NECAB1: variants seen among roughly 807,000 people sequenced by gnomAD.
The protein encoded by NECAB1 is N-terminal EF-hand calcium binding protein 1.
In NECAB1, 29 loss-of-function variants were observed where a neutral mutation model predicts 57.5. The observed-to-expected ratio is 0.50, with a 90% CI of 0.38 to 0.69. The LOEUF is 0.69. Ranked by LOEUF, NECAB1 falls within the 30% of genes least tolerant of loss-of-function variation. NECAB1 has a pLI of 0.00. For missense variants in NECAB1, 372 were observed against 413.8 expected (o/e 0.90, Z 0.88); for synonymous variants, 142 against 147.7 (o/e 0.96, Z 0.28).
intron 1 of NECAB1, among the ~76,000 whole-genome samples, chr8:90,798,849 G>T (rs180862979): frequency 3.3e-4 from 50 of 152,262 alleles, no homozygotes; most frequent in African/African-American, 1.1e-3. Flanking sequence ...TGGTAGTTCT[G>T]TTTTAAGTTC....
At chr8:90,906,889 A>ATATATATATGTATGTATG in intron 5 of NECAB1, among the ~76,000 whole-genome samples, 1 of 72,862 alleles carries the variant, frequency 1.4e-5, no homozygotes, top group South Asian at 4.0e-4. Flanking sequence ...ATATATATAT[A>ATATATATATGTATGTATG]TATATATATA....
chr8:90,914,683 A>T (rs1456126167), intron 5 of NECAB1, among the ~76,000 whole-genome samples: 2 of 152,208 alleles, frequency 1.3e-5, no homozygotes, highest in Admixed American at 1.3e-4. Context: ...GGGTTAGCCT[A>T]ATCATAACTT....
chr8:90,951,553 A>T (rs1424324316), intron 12 of NECAB1, among the ~76,000 whole-genome samples: 1 of 152,140 alleles, frequency 6.6e-6, no homozygotes, highest in Non-Finnish European at 1.5e-5. Context: ...TCATCTACCC[A>T]TCCAATTACT....
At chr8:90,808,320 C>T (rs915216823) in intron 2 of NECAB1, among the ~76,000 whole-genome samples, 4 of 152,136 alleles carry the variant, frequency 2.6e-5, no homozygotes, top group African/African-American at 9.7e-5. Flanking sequence ...CCCAGCCTTC[C>T]TTTCCTTTCT....
intron 5 of NECAB1, among the ~76,000 whole-genome samples, chr8:90,907,149 TGTGAGAGAGAGA>T (rs1809705717): frequency 1.9e-5 from 2 of 107,192 alleles, no homozygotes; most frequent in Admixed American, 1.0e-4. Flanking sequence ...TGTGTGTGTG[TGTGAGAGAGAGA>T]GAGAGAGAGA....
intron 6 of NECAB1, among the ~76,000 whole-genome samples, chr8:90,917,840 C>CTATA (rs34288387): frequency 0.073 from 3,445 of 47,178 alleles, 231 homozygotes; most frequent in African/African-American, 0.094. Flanking sequence ...ATTTAGTAAA[C>CTATA]TATATATATA....
intron 5 of NECAB1, among the ~76,000 whole-genome samples, chr8:90,904,418 A>C (rs905414688): frequency 6.6e-6 from 1 of 152,018 alleles, no homozygotes; most frequent in African/African-American, 2.4e-5. Flanking sequence ...AAGACAAAAC[A>C]AATTTGAGAA....
At chr8:90,928,640 A>G (rs2130182830) in intron 8 of NECAB1, among the ~76,000 whole-genome samples, 1 of 152,324 alleles carries the variant, frequency 6.6e-6, no homozygotes, top group East Asian at 1.9e-4. Flanking sequence ...TCTTAGGGAT[A>G]ATATGTTGAA....
chr8:90,801,612 A>G, intron 1 of NECAB1, 79 bp from the exon 2 acceptor site: 2 of 845,188 alleles, frequency 2.4e-6, no homozygotes, highest in Non-Finnish European at 3.7e-6. Context: ...TTAATTATGA[A>G]TAAATTATGT....
chr8:90,907,210 T>C (rs1197159268), intron 5 of NECAB1, among the ~76,000 whole-genome samples: 2 of 149,152 alleles, frequency 1.3e-5, no homozygotes, highest in East Asian at 4.1e-4. Context: ...TGCATTGTTT[T>C]AGCTAGCTAA....
chr8:90,899,263 T>C (rs1809439870), intron 5 of NECAB1, among the ~76,000 whole-genome samples: 2 of 152,262 alleles, frequency 1.3e-5, no homozygotes, highest in Middle Eastern at 3.4e-3. Flanking sequence ...TAGTTAAGCA[T>C]ACTTAAAACA....
At chr8:90,823,008 T>G (rs192040823) in intron 2 of NECAB1, among the ~76,000 whole-genome samples, 16 of 151,950 alleles carry the variant, frequency 1.1e-4, no homozygotes, top group Admixed American at 2.0e-4. Flanking sequence ...CACTATGTCT[T>G]GTCTAGCATA....
At chr8:90,899,067 T>A (rs553217192) in intron 5 of NECAB1, among the ~76,000 whole-genome samples, 192 of 152,284 alleles carry the variant, frequency 1.3e-3, no homozygotes, top group Non-Finnish European at 2.2e-3. Flanking sequence ...GAAATGGAAG[T>A]TGGGCTGGCA....
intron 1 of NECAB1, among the ~76,000 whole-genome samples, chr8:90,797,158 T>C (rs1339538981): frequency 6.6e-6 from 1 of 152,136 alleles, no homozygotes; most frequent in Non-Finnish European, 1.5e-5. Flanking sequence ...CCTCTAGCAA[T>C]TAACTCTGGA....
intron 2 of NECAB1, among the ~76,000 whole-genome samples, chr8:90,816,387 T>C (rs555624430): frequency 1.3e-5 from 2 of 151,898 alleles, no homozygotes; most frequent in Non-Finnish European, 2.9e-5. Flanking sequence ...TAATTTTTCT[T>C]TTATGATGTT....
intron 10 of NECAB1, among the ~76,000 whole-genome samples, chr8:90,945,587 C>T (rs1024928871): frequency 2.0e-5 from 3 of 152,158 alleles, no homozygotes; most frequent in Non-Finnish European, 4.4e-5. Context: ...CTTGCCATGT[C>T]TTTTCTTCAC....
chr8:90,912,822 A>T (rs1159314743), intron 5 of NECAB1, among the ~76,000 whole-genome samples: 2 of 152,234 alleles, frequency 1.3e-5, no homozygotes, highest in Non-Finnish European at 2.9e-5. Flanking sequence ...AGTATTTTAA[A>T]AAGTAATAAT....
intron 9 of NECAB1, among the ~76,000 whole-genome samples, chr8:90,936,019 T>C (rs1694175057): frequency 1.3e-5 from 2 of 152,166 alleles, no homozygotes; most frequent in South Asian, 4.1e-4. Flanking sequence ...GTTTGTTTTT[T>C]CAGAAGTAAC....
At chr8:90,953,340 T>C (rs1276906958) in intron 12 of NECAB1, among the ~76,000 whole-genome samples, 1 of 152,254 alleles carries the variant, frequency 6.6e-6, no homozygotes, top group Non-Finnish European at 1.5e-5. Context: ...ACTAGTGTCA[T>C]TGGCACATAT....
Sources: gnomAD v4.1 joint callset for allele counts (sites outside exome capture counted in the v4.1 genomes callset) on GRCh38, gnomAD v4.1.1 for gene constraint, MANE v1.5 for transcripts, NCBI Gene and HGNC (gene_info 2026-07-23, HGNC 2026-07-21) for gene names.